Variants in ARHGAP15 observed in about 807,000 individuals in gnomAD.
ARHGAP15 encodes the protein Rho GTPase activating protein 15.
Under a neutral mutation model 63.7 loss-of-function variants are expected in ARHGAP15, and 51 were observed. That is an observed-to-expected ratio of 0.80 (90% CI 0.64 to 1.01). The LOEUF (loss-of-function observed/expected upper bound fraction) is 1.01. Among genes scored for constraint, ARHGAP15 ranks in the 50% least tolerant of loss-of-function variants. The pLI, the probability that ARHGAP15 is intolerant of heterozygous loss-of-function variation, is 0.00. For missense variants in ARHGAP15, 560 were observed against 564.6 expected (o/e 0.99, Z 0.08); for synonymous variants, 191 against 193.8 (o/e 0.99, Z 0.12).
chr2:143,556,541 T>A, intron 11 of ARHGAP15, 56 bp downstream of exon 11: 1 of 1,270,934 alleles, frequency 7.9e-7, no homozygotes, highest in Non-Finnish European at 1.1e-6. Context: ...GAACAATATT[T>A]CATACACTGT....
intron 9 of ARHGAP15, among the ~76,000 whole-genome samples, chr2:143,508,041 C>T (rs1391465118): frequency 6.6e-6 from 1 of 150,958 alleles, no homozygotes; most frequent in Non-Finnish European, 1.5e-5. Flanking sequence ...CCCCCCCCTC[C>T]TCCATAATCT....
At chr2:143,279,382 T>A (rs2105077104) in intron 6 of ARHGAP15, among the ~76,000 whole-genome samples, 1 of 152,276 alleles carries the variant, frequency 6.6e-6, no homozygotes, top group African/African-American at 2.4e-5. Flanking sequence ...CAGAGCACTA[T>A]CCTGCAAACT....
intron 6 of ARHGAP15, among the ~76,000 whole-genome samples, chr2:143,274,326 C>T (rs1196578814): frequency 1.3e-5 from 2 of 151,780 alleles, no homozygotes; most frequent in South Asian, 2.1e-4. Flanking sequence ...AAAAAAAATC[C>T]AAAGCTCTTC....
At chr2:143,493,668 T>C (rs1692686651) in intron 9 of ARHGAP15, among the ~76,000 whole-genome samples, 2 of 152,208 alleles carry the variant, frequency 1.3e-5, no homozygotes, top group African/African-American at 2.4e-5. Flanking sequence ...TATCTTCTTC[T>C]AAAGTCCTTT....
At chr2:143,372,246 G>A (rs1435814396) in intron 6 of ARHGAP15, among the ~76,000 whole-genome samples, 1 of 151,406 alleles carries the variant, frequency 6.6e-6, no homozygotes, top group Non-Finnish European at 1.5e-5. Flanking sequence ...GAAGGAAGAG[G>A]TGGGAGGATC....
chr2:143,205,298 A>G (rs985543661), intron 3 of ARHGAP15, among the ~76,000 whole-genome samples: 4 of 151,682 alleles, frequency 2.6e-5, no homozygotes, highest in Admixed American at 6.6e-5. Context: ...CTACAAATGA[A>G]CAAACAAGAA....
chr2:143,611,919 C>T (rs1286818680), intron 11 of ARHGAP15, among the ~76,000 whole-genome samples: 1 of 152,158 alleles, frequency 6.6e-6, no homozygotes, highest in Admixed American at 6.6e-5. Flanking sequence ...CTTTTCGTTG[C>T]ATTTCTACAA....
chr2:143,556,524 T>C lies in ARHGAP15; in HGVS notation c.1003+39T>C, dbSNP rs187358977. 4.7e-5 allele frequency: 69 copies of C among 1,471,572 alleles called. No individual in the cohort carries two copies. The African/African-American group carries it at 8.7e-4, about 19-fold the overall frequency. The allele number at this position is 1,471,572 out of a possible 1,614,324, so 91.2% of individuals were successfully genotyped here. On this transcript the variant is annotated intron_variant, in intron 11 of 13. Coordinates refer to ENST00000295095, the MANE Select transcript of ARHGAP15 (RefSeq NM_018460.4). ...ACTTCAGAGATTTTTTCAAACAGTT[T>C]CATATGGAACAATATTTCATACACT...
At chr2:143,359,785 T>C (rs1228538073) in intron 6 of ARHGAP15, among the ~76,000 whole-genome samples, 2 of 152,186 alleles carry the variant, frequency 1.3e-5, no homozygotes, top group Non-Finnish European at 2.9e-5. Context: ...TTTAATTTAG[T>C]TTACATTAGA....
At chr2:143,344,766 A>G (rs2105295340) in intron 6 of ARHGAP15, among the ~76,000 whole-genome samples, 1 of 152,192 alleles carries the variant, frequency 6.6e-6, no homozygotes, top group Admixed American at 6.6e-5. Context: ...AGGAGTGAAG[A>G]CCAGCAAGAT....
rs565594017 is a variant in ARHGAP15, at chr2:143,191,012, G to A, written c.166-11122G>A. Among the ~76,000 whole-genome samples, 9 of 152,188 alleles carry A rather than the reference G, an allele frequency of 5.9e-5. No homozygotes were observed. In the East Asian group the frequency reaches 1.5e-3, roughly 26 times the overall value. On this transcript the variant is annotated intron_variant, in intron 2 of 13. Coordinates refer to ENST00000295095, the MANE Select transcript of ARHGAP15 (RefSeq NM_018460.4). ...TCTCCATCTTTTGACCTCATGATCC[G>A]CCCGCCTGGGCCTCCCAAAGTGCTG...
At chr2:143,747,917 T>C (rs1019598450) in intron 13 of ARHGAP15, among the ~76,000 whole-genome samples, 3 of 152,226 alleles carry the variant, frequency 2.0e-5, no homozygotes, top group African/African-American at 7.2e-5. Context: ...TGAGACTTCC[T>C]TGTCTGAGGC....
chr2:143,684,717 G>C (rs1170438698), intron 12 of ARHGAP15, among the ~76,000 whole-genome samples: 3 of 152,130 alleles, frequency 2.0e-5, no homozygotes. Context: ...GGTTAAATAT[G>C]GCTTTGCTTT....
chr2:143,621,583 A>T (rs947056481), intron 11 of ARHGAP15, among the ~76,000 whole-genome samples: 1 of 152,222 alleles, frequency 6.6e-6, no homozygotes, highest in Non-Finnish European at 1.5e-5. Context: ...ACTATTTGCC[A>T]TATTGCCTAT....
chr2:143,384,108 G>A (rs150779297), intron 6 of ARHGAP15, among the ~76,000 whole-genome samples: 12 of 152,134 alleles, frequency 7.9e-5, no homozygotes, highest in Admixed American at 7.9e-4. Context: ...TTGACTATAC[G>A]TAAGTGAAAA....
chr2:143,194,028 C>G (rs752940493), intron 2 of ARHGAP15, among the ~76,000 whole-genome samples: 3 of 152,184 alleles, frequency 2.0e-5, no homozygotes, highest in Non-Finnish European at 4.4e-5. Flanking sequence ...AATTTCCAGA[C>G]AGTTAAACAT....
intron 12 of ARHGAP15, among the ~76,000 whole-genome samples, chr2:143,651,762 G>C (rs979177761): frequency 1.3e-5 from 2 of 151,858 alleles, no homozygotes; most frequent in African/African-American, 4.8e-5. Context: ...ATTTAAGTAG[G>C]TTTGTACAGG....
intron 10 of ARHGAP15, among the ~76,000 whole-genome samples, chr2:143,536,344 C>G (rs1352740069): frequency 6.6e-6 from 1 of 152,082 alleles, no homozygotes; most frequent in Non-Finnish European, 1.5e-5. Context: ...GCATAACGTC[C>G]TCCATGTTCA....
At chr2:143,611,328 G>A (rs1447330522) in intron 11 of ARHGAP15, among the ~76,000 whole-genome samples, 1 of 152,086 alleles carries the variant, frequency 6.6e-6, no homozygotes, top group African/African-American at 2.4e-5. Context: ...ATTGTTTTAG[G>A]TGGTTTTGCA....
Sources: allele counts gnomAD v4.1 joint callset (sites outside exome capture counted in the v4.1 genomes callset), GRCh38; gene constraint gnomAD v4.1.1; transcripts MANE v1.5; gene names NCBI Gene and HGNC (gene_info 2026-07-23, HGNC 2026-07-21).